The following USP42 variants were observed in gnomAD, a reference collection of about 807,000 sequenced individuals.
USP42 encodes ubiquitin specific peptidase 42.
A neutral mutation model predicts 113.0 loss-of-function variants in USP42; 23 were observed. The observed-to-expected ratio is 0.20, with a 90% CI of 0.15 to 0.29. The LOEUF (loss-of-function observed/expected upper bound fraction) is 0.29. Ranked by LOEUF, USP42 falls within the 10% of genes least tolerant of loss-of-function variation. The pLI, the probability that USP42 is intolerant of heterozygous loss-of-function variation, is 1.00. For synonymous variants in USP42, 933 were observed against 699.0 expected, an observed-to-expected ratio of 1.33 and a Z score of -5.28; for missense variants, 2,174 against 1,779.8, an observed-to-expected ratio of 1.22 and a Z score of -3.99.
At chr7:6,129,523 C>G (rs1780726937) in intron 3 of USP42, among the ~76,000 whole-genome samples, 1 of 147,422 alleles carries the variant, frequency 6.8e-6, no homozygotes, top group Non-Finnish European at 1.5e-5. Context: ...TGCTACTGCA[C>G]TCCAGGCTGG....
At chr7:6,112,375 G>C (rs1466471854) in intron 2 of USP42, among the ~76,000 whole-genome samples, 1 of 152,056 alleles carries the variant, frequency 6.6e-6, no homozygotes, top group Non-Finnish European at 1.5e-5. Flanking sequence ...CATGAACCTG[G>C]GAGGCAGAGG....
intron 1 of USP42, among the ~76,000 whole-genome samples, chr7:6,105,444 C>G (rs1307542990): frequency 6.7e-6 from 1 of 149,584 alleles, no homozygotes; most frequent in South Asian, 2.1e-4. Context: ...GGCCGCTGAC[C>G]GCGGAGTCCG....
At chr7:6,089,587 C>G in the USP42 span, among the ~76,000 whole-genome samples, 55 of 146,292 alleles carry the variant, frequency 3.8e-4, 4 homozygotes, top group African/African-American at 1.4e-3. Flanking sequence ...GGCTGGAGTG[C>G]AAGGGTGCGA....
At chr7:6,106,591 A>G (rs1276175676) in intron 1 of USP42, among the ~76,000 whole-genome samples, 1 of 150,008 alleles carries the variant, frequency 6.7e-6, no homozygotes, top group African/African-American at 2.4e-5. Context: ...TTGAGGCAAG[A>G]TCTCCCTCTG....
Position 6,154,874 on chromosome 7 carries a change from G to A in USP42, c.3320G>A (p.Arg1107Gln), listed in dbSNP as rs767790736. 41 of 1,528,060 alleles carry A rather than the reference G, an allele frequency of 2.7e-5. No individual in the cohort carries two copies. Among genetic ancestry groups the A allele is most frequent in the South Asian group, 9.8e-5 (8 of 81,994 alleles). The allele number at this position is 1,528,060 out of a possible 1,614,324, so 94.7% of individuals were successfully genotyped here. ...NRGRRGCEPA[R>Q]ERERHRPSSP... ...GGCCGTAGGGGCTGCGAGCCGGCCC[G>A]GGAGAGGGAGCGGCACCGCCCCAGC... Residue 1107 changes from arginine (R) to glutamine (Q), a missense_variant, in exon 15 of 18, where the codon CGG becomes CAG. Physicochemically the swap from Arg to Gln is conservative, Grantham distance 43. Coordinates refer to ENST00000306177, the MANE Select transcript of USP42 (RefSeq NM_032172.3).
intron 9 of USP42, among the ~76,000 whole-genome samples, chr7:6,144,759 AC>A (rs1314651103): frequency 6.6e-6 from 1 of 151,784 alleles, no homozygotes; most frequent in Non-Finnish European, 1.5e-5. Context: ...AATCCTAGCT[AC>A]TCGGGAGGCT....
intron 10 of USP42, 23 bp from the exon 11 acceptor site, chr7:6,146,125 C>G (rs1781703985): frequency 2.7e-6 from 4 of 1,455,292 alleles, no homozygotes; most frequent in Non-Finnish European, 3.8e-6. Flanking sequence ...TAATCTCTCT[C>G]TTTTATTGGC....
Position 6,150,271 on chromosome 7 carries a change from C to A in USP42, c.2075C>A (p.Pro692His). Residue 692 changes from proline to histidine, a missense_variant, in exon 13 of 18, where the codon CCC (proline) becomes CAC (histidine). Coordinates refer to ENST00000306177, the MANE Select transcript of USP42 (RefSeq NM_032172.3). Reference sequence around the variant, plus strand: ...CAGCCTGCCCTGCACTCAGAAAATCCCTTTGCTAAGGCAAACGGTCTTCCT... The same window carrying A: ...CAGCCTGCCCTGCACTCAGAAAATCACTTTGCTAAGGCAAACGGTCTTCCT... ...QGQPALHSEN[P>H]FAKANGLPGK... 1 of 1,613,488 alleles carries A rather than the reference C, an allele frequency of 6.2e-7. No homozygotes were observed. The highest frequency in any genetic ancestry group is 8.5e-7 in the Non-Finnish European group (1 of 1,179,774).
chr7:6,124,213 A>AT (rs1194372771), intron 3 of USP42, among the ~76,000 whole-genome samples: 3 of 151,694 alleles, frequency 2.0e-5, no homozygotes, highest in Non-Finnish European at 2.9e-5. Context: ...AGCATGATAT[A>AT]TTTTTTCCAT....
At chr7:6,115,114 C>G (rs900996617) in intron 2 of USP42, among the ~76,000 whole-genome samples, 2 of 152,138 alleles carry the variant, frequency 1.3e-5, no homozygotes, top group Non-Finnish European at 2.9e-5. Flanking sequence ...TCTGTCCTTG[C>G]AGTTTGTTTA....
At chr7:6,124,299 G>A (rs560057087) in intron 3 of USP42, among the ~76,000 whole-genome samples, 30 of 151,550 alleles carry the variant, frequency 2.0e-4, no homozygotes, top group African/African-American at 7.0e-4. Context: ...ACGGATTCTC[G>A]CTCTGTCACC....
At position 6,156,936 on chromosome 7, in the gene USP42, G is replaced by A. The variant is rs528336042; in HGVS notation, c.3824G>A (p.Gly1275Asp). Residue 1275 changes from glycine to aspartate, a missense_variant, in exon 16 of 18, where the codon GGT becomes GAT. By Grantham distance (94) the Gly-to-Asp change is moderately conservative. Coordinates refer to ENST00000306177, the MANE Select transcript of USP42 (RefSeq NM_032172.3). Reference sequence around the variant, plus strand: ...GTCGCCCAGTTCCGGAGAGCCCAGGGTGGCTTTCCTCTCTCTGGTGGCCCG... The same window carrying A: ...GTCGCCCAGTTCCGGAGAGCCCAGGATGGCTTTCCTCTCTCTGGTGGCCCG... The part of the protein sequence containing the change: ...ETVAQFRRAQ[G>D]GFPLSGGPPL... 41 of 1,613,952 alleles carry A rather than the reference G, an allele frequency of 2.5e-5. No individual in the cohort carries two copies. The South Asian group carries it at 4.3e-4, about 17-fold the overall frequency.
intron 3 of USP42, among the ~76,000 whole-genome samples, chr7:6,116,121 AC>A (rs66779172): frequency 0.027 from 4,037 of 148,870 alleles, 198 homozygotes; most frequent in African/African-American, 0.087. Context: ...AAAAAAAAAA[AC>A]GTCTGATGCC....
the USP42 span, among the ~76,000 whole-genome samples, chr7:6,087,534 G>A: frequency 1.3e-5 from 2 of 149,012 alleles, no homozygotes; most frequent in Non-Finnish European, 3.0e-5. Flanking sequence ...ATGGGGTCTT[G>A]CCATGTTGCC....
intron 3 of USP42, among the ~76,000 whole-genome samples, chr7:6,123,878 G>A (rs1014868957): frequency 1.4e-5 from 2 of 147,086 alleles, no homozygotes; most frequent in Non-Finnish European, 3.0e-5. Context: ...TTTTCGTATC[G>A]TTTCTCTTTT....
the USP42 span, among the ~76,000 whole-genome samples, chr7:6,086,408 T>G: frequency 6.6e-6 from 1 of 150,786 alleles, no homozygotes; most frequent in African/African-American, 2.5e-5. Flanking sequence ...GATTTCACCG[T>G]GTTAGCCAGG....
At chr7:6,160,236 G>A (rs546269639) in intron 17 of USP42, among the ~76,000 whole-genome samples, 1 of 152,302 alleles carries the variant, frequency 6.6e-6, no homozygotes, top group East Asian at 1.9e-4. Flanking sequence ...TAATTAACAG[G>A]CTTTATCAAT....
chr7:6,091,974 AT>A, the USP42 span, among the ~76,000 whole-genome samples: 2 of 108,554 alleles, frequency 1.8e-5, no homozygotes, highest in Admixed American at 1.7e-4. Flanking sequence ...TCAAGGACGT[AT>A]TTTTTCTTCT....
intron 3 of USP42, among the ~76,000 whole-genome samples, chr7:6,133,641 T>G (rs1227179235): frequency 6.6e-6 from 1 of 151,714 alleles, no homozygotes; most frequent in Non-Finnish European, 1.5e-5. Context: ...CACATCAGCC[T>G]CTGGAGTAGC....
Sources: gnomAD v4.1 joint callset for allele counts (sites outside exome capture counted in the v4.1 genomes callset) on GRCh38, gnomAD v4.1.1 for gene constraint, MANE v1.5 for transcripts, NCBI Gene and HGNC (gene_info 2026-07-23, HGNC 2026-07-21) for gene names.